Variants in WWOX observed in about 807,000 individuals in gnomAD.
WWOX encodes the protein WW domain-containing oxidoreductase.
WWOX carries 69 observed loss-of-function variants against 46.2 expected under a neutral mutation model. The ratio of observed to expected loss-of-function variants is 1.49; its 90% CI spans 1.23 to 1.82. The LOEUF is 1.82. Among genes scored for constraint, WWOX ranks in the 40% most tolerant of loss-of-function variants. The pLI is 0.00. For missense variants in WWOX, 919 were observed against 542.6 expected (o/e 1.69, Z -6.89); for synonymous variants, 359 against 202.6 (o/e 1.77, Z -6.56).
chr16:78,844,496 T>C (rs2052245444), intron 8 of WWOX, among the ~76,000 whole-genome samples: 1 of 152,058 alleles, frequency 6.6e-6, no homozygotes, highest in Admixed American at 6.6e-5. Flanking sequence ...AATCTCATAA[T>C]GGAAAACATC....
chr16:78,367,418 T>A (rs1177509256), intron 5 of WWOX, among the ~76,000 whole-genome samples: 1 of 152,190 alleles, frequency 6.6e-6, no homozygotes, highest in Non-Finnish European at 1.5e-5. Flanking sequence ...TTGCCATTTT[T>A]TTTTCAACTC....
intron 8 of WWOX, among the ~76,000 whole-genome samples, chr16:78,735,628 C>G (rs961822823): frequency 6.6e-6 from 1 of 152,224 alleles, no homozygotes; most frequent in Admixed American, 6.5e-5. Flanking sequence ...CATGAGGAGA[C>G]AGCAGACAGT....
At chr16:78,600,782 A>G (rs2045602816) in intron 8 of WWOX, among the ~76,000 whole-genome samples, 1 of 152,198 alleles carries the variant, frequency 6.6e-6, no homozygotes, top group Non-Finnish European at 1.5e-5. Context: ...CTGTACAGCC[A>G]TCTTGGGAGT....
Position 78,678,011 on chromosome 16 carries a change from T to G in WWOX, c.1056+245259T>G, listed in dbSNP as rs115055438. Among the ~76,000 whole-genome samples, 584 of 152,294 alleles carry G rather than the reference T, an allele frequency of 3.8e-3. 4 individuals carry two copies. The highest frequency in any genetic ancestry group is 0.013 in the African/African-American group (547 of 41,560). On this transcript the variant is annotated intron_variant, in intron 8 of 8. Transcript: ENST00000566780. Reference sequence around the variant, plus strand: ...GCAAATTTCTTTCCAAACTCTGCCGTCCCTGAATCTCTACCCTGCTTTATT... The same window carrying G: ...GCAAATTTCTTTCCAAACTCTGCCGGCCCTGAATCTCTACCCTGCTTTATT...
chr16:78,703,199 G>A (rs1246411504), intron 8 of WWOX, among the ~76,000 whole-genome samples: 1 of 150,262 alleles, frequency 6.7e-6, no homozygotes, highest in African/African-American at 2.5e-5. Flanking sequence ...GCTCCTTCCT[G>A]ACAAGAGTCT....
chr16:78,838,949 C>G (rs527922515), intron 8 of WWOX, among the ~76,000 whole-genome samples: 74 of 152,194 alleles, frequency 4.9e-4, no homozygotes, highest in African/African-American at 1.7e-3. Context: ...AAAACAGCAA[C>G]TGGAGGATCC....
intron 8 of WWOX, among the ~76,000 whole-genome samples, chr16:78,822,554 C>T (rs369402246): frequency 6.6e-6 from 1 of 152,002 alleles, no homozygotes; most frequent in South Asian, 2.1e-4. Flanking sequence ...AATTCCCATC[C>T]CCACCTAGAA....
At chr16:78,431,827 C>A (rs377478884) in intron 7 of WWOX, among the ~76,000 whole-genome samples, 1 of 151,854 alleles carries the variant, frequency 6.6e-6, no homozygotes, top group South Asian at 2.1e-4. Flanking sequence ...AGCGATCCTC[C>A]TGCCTCAGCC....
intron 5 of WWOX, among the ~76,000 whole-genome samples, chr16:78,360,274 T>C (rs1425420642): frequency 6.6e-6 from 1 of 152,132 alleles, no homozygotes; most frequent in African/African-American, 2.4e-5. Context: ...TTTGAACTAA[T>C]TTTAGACTCA....
At chr16:78,597,076 G>C (rs548032882) in intron 8 of WWOX, among the ~76,000 whole-genome samples, 47 of 152,302 alleles carry the variant, frequency 3.1e-4, no homozygotes, top group African/African-American at 1.1e-3. Context: ...GCTGGAGCCA[G>C]GTGCTTACGA....
intron 8 of WWOX, among the ~76,000 whole-genome samples, chr16:78,608,292 G>T (rs190487580): frequency 2.6e-5 from 4 of 152,292 alleles, no homozygotes; most frequent in South Asian, 2.1e-4. Context: ...TAAAAGGCCA[G>T]TTTCTCTACT....
chr16:78,375,592 G>A (rs2081800662), intron 5 of WWOX, among the ~76,000 whole-genome samples: 1 of 152,138 alleles, frequency 6.6e-6, no homozygotes, highest in African/African-American at 2.4e-5. Context: ...TTCTTTCATA[G>A]TCTCCGTAGG....
At chr16:78,831,143 G>A (rs923120188) in intron 8 of WWOX, among the ~76,000 whole-genome samples, 3 of 152,174 alleles carry the variant, frequency 2.0e-5, no homozygotes, top group Non-Finnish European at 4.4e-5. Flanking sequence ...GGCTTGCAGA[G>A]CTGAGAACCA....
intron 8 of WWOX, among the ~76,000 whole-genome samples, chr16:79,174,878 T>C (rs2050769985): frequency 6.6e-6 from 1 of 152,356 alleles, no homozygotes. Context: ...CTTTACTAGA[T>C]GCCATCTTGC....
At chr16:78,269,489 C>A (rs971182591) in intron 5 of WWOX, among the ~76,000 whole-genome samples, 4 of 152,156 alleles carry the variant, frequency 2.6e-5, no homozygotes, top group Non-Finnish European at 5.9e-5. Context: ...TTGTTTAACA[C>A]AGTGAGTTAT....
chr16:78,276,513 C>T (rs1465429616), intron 5 of WWOX, among the ~76,000 whole-genome samples: 1 of 152,252 alleles, frequency 6.6e-6, no homozygotes, highest in South Asian at 2.1e-4. Flanking sequence ...GAGCCCCACT[C>T]TTCTCCCTTT....
chr16:78,491,929 A>G (rs1033764022), intron 8 of WWOX, among the ~76,000 whole-genome samples: 2 of 152,142 alleles, frequency 1.3e-5, no homozygotes, highest in Middle Eastern at 3.2e-3. Context: ...TCTGCAGCCC[A>G]GGGTGCTGCT....
chr16:78,200,586 T>G (rs913979840), intron 5 of WWOX, among the ~76,000 whole-genome samples: 4 of 151,324 alleles, frequency 2.6e-5, no homozygotes, highest in African/African-American at 9.7e-5. Flanking sequence ...CCCTTGAGTT[T>G]TTTTTTTTTT....
chr16:78,910,915 T>C (rs775393464), intron 8 of WWOX, among the ~76,000 whole-genome samples: 2 of 152,122 alleles, frequency 1.3e-5, no homozygotes, highest in African/African-American at 4.8e-5. Context: ...GTTATGCATA[T>C]GTTGATCAGC....
Sources: allele counts gnomAD v4.1 joint callset (sites outside exome capture counted in the v4.1 genomes callset), GRCh38; gene constraint gnomAD v4.1.1; transcripts MANE v1.5; gene names NCBI Gene and HGNC (gene_info 2026-07-23, HGNC 2026-07-21).